The following GATA4 variants were observed in gnomAD, a reference collection of about 807,000 sequenced individuals.
GATA4 encodes GATA binding protein 4.
In GATA4, 7 loss-of-function variants were observed where a neutral mutation model predicts 37.9. That is an observed-to-expected ratio of 0.18 (90% CI 0.11 to 0.35). GATA4 has a LOEUF of 0.35. Ranked by LOEUF, GATA4 falls within the 10% of genes least tolerant of loss-of-function variation. GATA4 has a pLI of 1.00. For missense variants in GATA4, 647 were observed against 653.0 expected, an observed-to-expected ratio of 0.99 and a Z score of 0.10; for synonymous variants, 372 against 292.6, an observed-to-expected ratio of 1.27 and a Z score of -2.77.
At chr8:11,757,122 G>T (rs771670375) in intron 6 of GATA4, 39 bp downstream of exon 6, 2 of 1,610,420 alleles carry the variant, frequency 1.2e-6, no homozygotes. Context: ...TGTTTGTGGG[G>T]AGGCCGACTG....
Position 11,708,552 on chromosome 8 carries a change from C to A in GATA4, c.240C>A (p.Pro80=), listed in dbSNP as rs1376562716. ...SSGGAASGAG[P]GTQQGSPGWS... ...GTGGGGCCGCGTCTGGTGCGGGGCC[C>A]GGGACCCAGCAGGGCAGCCCGGGAT... The change falls in exon 2 of 7, where the codon CCC becomes CCA. Residue 80 remains proline, a synonymous_variant. Coordinates refer to ENST00000532059, the MANE Select transcript of GATA4 (RefSeq NM_001308093.3). This position sits in a 1 kb window ranked among gnomAD's most constrained non-coding sequence, Gnocchi z 6.7. 1 of 1,412,826 alleles carries A rather than the reference C, an allele frequency of 7.1e-7. No homozygotes were observed. Among genetic ancestry groups the A allele is most frequent in the Non-Finnish European group, 9.2e-7 (1 of 1,091,012 alleles). The allele number at this position is 1,412,826 out of a possible 1,614,324, so 87.5% of individuals were successfully genotyped here.
At chr8:11,746,836 C>T (rs1002563306) in intron 2 of GATA4, among the ~76,000 whole-genome samples, 2 of 152,230 alleles carry the variant, frequency 1.3e-5, no homozygotes, top group South Asian at 2.1e-4. Context: ...TCTGCTGTGA[C>T]GCCTGTGCTC....
At chr8:11,694,175 C>G (rs1799432917) in intron 1 of GATA4, among the ~76,000 whole-genome samples, 2 of 152,178 alleles carry the variant, frequency 1.3e-5, no homozygotes, top group Admixed American at 1.3e-4. Context: ...ATCCTTGTAT[C>G]TACAAGTTTG....
At position 11,726,018 on chromosome 8, in the gene GATA4, C is replaced by G. The variant is rs139025826; in HGVS notation, c.616+17090C>G. Among the ~76,000 whole-genome samples, 766 of 152,340 alleles carry G rather than the reference C, an allele frequency of 5.0e-3. 10 individuals carry two copies. The highest frequency in any genetic ancestry group is 0.043 in the East Asian group (225 of 5,188). ...TCCTTTTATTTGGATTATAGTTCCACTAGCCTGGAAGTATTTTCAGGGCAA... is the reference window on the plus strand; with the variant it reads ...TCCTTTTATTTGGATTATAGTTCCAGTAGCCTGGAAGTATTTTCAGGGCAA... On this transcript the variant is annotated intron_variant, in intron 2 of 6. Coordinates refer to ENST00000532059, the MANE Select transcript of GATA4 (RefSeq NM_001308093.3).
chr8:11,756,057 C>T (rs1159989203), intron 5 of GATA4, among the ~76,000 whole-genome samples: 1 of 151,800 alleles, frequency 6.6e-6, no homozygotes, highest in African/African-American at 2.4e-5. Context: ...AACGGCTGTT[C>T]TTTAATACGT....
At chr8:11,679,055 C>G (rs927355614) in intron 1 of GATA4, among the ~76,000 whole-genome samples, 1 of 151,910 alleles carries the variant, frequency 6.6e-6, no homozygotes, top group East Asian at 1.9e-4. Flanking sequence ...GTGTAAAGTT[C>G]AGAGATATTT....
intron 2 of GATA4, among the ~76,000 whole-genome samples, chr8:11,724,133 T>A (rs568791075): frequency 5.3e-5 from 8 of 152,334 alleles, no homozygotes; most frequent in African/African-American, 1.4e-4. Context: ...CATGTCAGAA[T>A]GCAGCATGTC....
intron 4 of GATA4, among the ~76,000 whole-genome samples, chr8:11,750,827 G>T (rs10435718): frequency 0.21 from 30,378 of 146,188 alleles, 4,310 homozygotes; most frequent in East Asian, 0.55. Context: ...CATGCCTCTA[G>T]TCCCAGCTAC....
intron 1 of GATA4, among the ~76,000 whole-genome samples, chr8:11,698,678 G>C (rs1317099413): frequency 6.6e-6 from 1 of 152,074 alleles, no homozygotes; most frequent in Non-Finnish European, 1.5e-5. Flanking sequence ...CTTCATCCCC[G>C]GAGGCCCGGG....
intron 2 of GATA4, among the ~76,000 whole-genome samples, chr8:11,716,729 C>T (rs1256676367): frequency 6.6e-6 from 1 of 152,192 alleles, no homozygotes; most frequent in Non-Finnish European, 1.5e-5. Flanking sequence ...GAGTTAGAAC[C>T]TGCCTGAAAA....
chr8:11,697,524 A>G, intron 1 of GATA4: 1 of 982,220 alleles, frequency 1.0e-6, no homozygotes, highest in Non-Finnish European at 1.2e-6. Flanking sequence ...TTGGGGAGGG[A>G]GAGGTGGTCG....
At chr8:11,756,884 T>C (rs756705315) in intron 5 of GATA4, 51 bp from the exon 6 acceptor site, 13 of 1,613,642 alleles carry the variant, frequency 8.1e-6, no homozygotes, top group African/African-American at 2.7e-5. Flanking sequence ...CTGCCGGCTG[T>C]TCGTTTGTCC....
At chr8:11,720,618 T>C (rs1585622781) in intron 2 of GATA4, among the ~76,000 whole-genome samples, 1 of 152,176 alleles carries the variant, frequency 6.6e-6, no homozygotes, top group Non-Finnish European at 1.5e-5. Context: ...CACTCTCAAT[T>C]AGATACCAGC....
chr8:11,709,580 G>GGC lies in GATA4; in HGVS notation c.616+653_616+654insCG, dbSNP rs1554488917. 1.3e-5 allele frequency among the ~76,000 whole-genome samples: 2 copies of GGC among 151,954 alleles called. No individual in the cohort carries two copies. The highest frequency in any genetic ancestry group is 2.9e-5 in the Non-Finnish European group (2 of 67,886). On this transcript the variant is annotated intron_variant, in intron 2 of 6. Transcript: ENST00000532059. This position sits in a 1 kb window ranked among gnomAD's most constrained non-coding sequence, Gnocchi z 4.3. ...TGGGCGCATCATGCGGGCAGCGGGGGGGGGGGCGCACACGCCCGGTCAGTG... is the reference window on the plus strand; with the variant it reads ...TGGGCGCATCATGCGGGCAGCGGGGGGCGGGGGGCGCACACGCCCGGTCAGTG...
intron 2 of GATA4, among the ~76,000 whole-genome samples, chr8:11,723,963 A>G (rs1800797437): frequency 6.6e-6 from 1 of 152,178 alleles, no homozygotes; most frequent in Non-Finnish European, 1.5e-5. Flanking sequence ...CCCATTAAAT[A>G]ACGTCTCCGT....
intron 2 of GATA4, among the ~76,000 whole-genome samples, chr8:11,719,252 C>T (rs1800565463): frequency 6.6e-6 from 1 of 151,048 alleles, no homozygotes; most frequent in African/African-American, 2.4e-5. Context: ...ACCTGACTTC[C>T]AAGATCATAA....
chr8:11,708,418 C>A lies in GATA4; in HGVS notation c.106C>A (p.Pro36Thr). The part of the protein sequence containing the change: ...FMHGAGAASS[P>T]VYVPTPRVPS... ...GCACGGCGCGGGCGCCGCGTCCTCG[C>A]CAGTCTACGTGCCCACACCGCGGGT... Residue 36 changes from proline (P) to threonine (T), a missense_variant, in exon 2 of 7, where the codon CCA becomes ACA. Around this residue, in one of 5 missense-constraint regions of GATA4, gnomAD observed 379 missense variants for 334.5 expected, o/e 1.13. Coordinates refer to ENST00000532059, the MANE Select transcript of GATA4 (RefSeq NM_001308093.3). The surrounding 1 kb of genome is among the most constrained non-coding windows in gnomAD (Gnocchi z 6.7). The A allele has an allele frequency of 1.3e-6, 2 of 1,537,630 alleles. No individual in the cohort carries two copies. The highest frequency in any genetic ancestry group is 1.7e-6 in the Non-Finnish European group (2 of 1,148,182).
chr8:11,709,966 G>C lies in GATA4; in HGVS notation c.616+1038G>C, dbSNP rs943493000. Among the ~76,000 whole-genome samples, 1 of 152,216 alleles carries C rather than the reference G, an allele frequency of 6.6e-6. No individual in the cohort carries two copies. The highest frequency in any genetic ancestry group is 2.4e-5 in the African/African-American group (1 of 41,462). On this transcript the variant is annotated intron_variant, in intron 2 of 6. Coordinates refer to ENST00000532059, the MANE Select transcript of GATA4 (RefSeq NM_001308093.3). The surrounding 1 kb of genome is among the most constrained non-coding windows in gnomAD (Gnocchi z 4.3). Reference sequence around the variant, plus strand: ...GAGCCCACCCTGTGGGGGAGGGGAAGCCCAGGCTTGAGAAGCAAAGCTCGC... The same window carrying C: ...GAGCCCACCCTGTGGGGGAGGGGAACCCCAGGCTTGAGAAGCAAAGCTCGC...
rs1473163307 is a variant in GATA4, at chr8:11,759,745, T to A, written c.*1270T>A. The A allele has an allele frequency of 2.0e-5, 3 of 152,330 alleles. No homozygotes were observed. Among genetic ancestry groups the A allele is most frequent in the Admixed American group, 1.3e-4 (2 of 15,288 alleles). The allele number at this position is 152,330 out of a possible 1,614,324, so 9.4% of individuals were successfully genotyped here. A position where few individuals can be genotyped will look rare whatever the true frequency, so the allele number is the denominator to read the frequency against. ...GCTGGAGCTCAAGGAGACTCCTTCC[T>A]CTTTCTCAGCAGAGCTGTAGCTGAC... On this transcript the variant is annotated 3_prime_UTR_variant, in exon 7 of 7. Transcript: ENST00000532059.
Sources: gnomAD v4.1 joint callset for allele counts (sites outside exome capture counted in the v4.1 genomes callset) on GRCh38, gnomAD v4.1.1 for gene constraint, gnomAD v4.1.1 regional missense constraint, Gnocchi (gnomAD v3.1) non-coding constraint, MANE v1.5 for transcripts, NCBI Gene and HGNC (gene_info 2026-07-23, HGNC 2026-07-21) for gene names.